MTREX: variants seen among roughly 807,000 people sequenced by gnomAD.
MTREX encodes the protein Mtr4 exosome RNA helicase.
Under a neutral mutation model 135.4 loss-of-function variants are expected in MTREX, and 76 were observed. The ratio of observed to expected loss-of-function variants is 0.56; its 90% confidence interval spans 0.47 to 0.68. The LOEUF is 0.68. MTREX is among the 30% of genes least tolerant of loss of function. The pLI, the probability that MTREX is intolerant of heterozygous loss-of-function variation, is 0.00. For missense variants in MTREX, 920 were observed against 1,262.1 expected, an observed-to-expected ratio of 0.73 and a Z score of 4.11; for synonymous variants, 404 against 401.6, an observed-to-expected ratio of 1.01 and a Z score of -0.07.
rs182743745 is a variant in MTREX at position 55,334,126 on chromosome 5, C to T, written c.515+5315C>T. Among the ~76,000 whole-genome samples, 157 of 152,114 alleles carry T rather than the reference C, an allele frequency of 1.0e-3. 1 individual carries two copies. The highest frequency in any genetic ancestry group is 6.8e-3 in the Middle Eastern group (2 of 294). Reference sequence around the variant, plus strand: ...GTGAAATATCCAGAATAGGTAAATCCATAGAGAAAGACAGCATATTGGTGA... The same window carrying T: ...GTGAAATATCCAGAATAGGTAAATCTATAGAGAAAGACAGCATATTGGTGA... On this transcript the variant is annotated intron_variant, in intron 5 of 26. Transcript: ENST00000230640.
intron 21 of MTREX, among the ~76,000 whole-genome samples, chr5:55,404,039 AC>A: frequency 6.6e-6 from 1 of 152,180 alleles, no homozygotes; most frequent in Admixed American, 6.5e-5. Flanking sequence ...TTAGTTCCCT[AC>A]CTTTTAGGAT....
chr5:55,325,230 CTT>C (rs574132785), intron 3 of MTREX, among the ~76,000 whole-genome samples: 4 of 138,844 alleles, frequency 2.9e-5, no homozygotes, highest in Admixed American at 7.3e-5. Flanking sequence ...AGAACCTTAT[CTT>C]TTTTTTTTTT....
rs1749854666 is a variant in MTREX, at chr5:55,353,151, A to G, written c.1432-17A>G. ...CTTAAAATACATGTTTAATTATAGA[A>G]TTACTTATTTACTTAGGCCTTATTT... On this transcript the variant is annotated splice_polypyrimidine_tract_variant and intron_variant, in intron 13 of 26. Transcript: ENST00000230640. The G allele has an allele frequency of 2.0e-6, 3 of 1,509,176 alleles. No homozygotes were observed. Among genetic ancestry groups the G allele is most frequent in the South Asian group, 1.3e-5 (1 of 78,504 alleles). 93.5% of individuals were successfully genotyped at this position (1,509,176 alleles called of 1,614,324 possible).
intron 19 of MTREX, among the ~76,000 whole-genome samples, chr5:55,395,394 A>G (rs1750631336): frequency 6.6e-6 from 1 of 152,196 alleles, no homozygotes; most frequent in Non-Finnish European, 1.5e-5. Context: ...CGACAGAGCA[A>G]GACTCTGTCT....
At chr5:55,380,451 T>A (rs1020760189) in intron 18 of MTREX, among the ~76,000 whole-genome samples, 3 of 152,202 alleles carry the variant, frequency 2.0e-5, no homozygotes, top group African/African-American at 7.2e-5. Context: ...TTCTTTCTGT[T>A]CCTGGTGTGT....
At chr5:55,376,575 T>C (rs1405543869) in intron 16 of MTREX, among the ~76,000 whole-genome samples, 1 of 152,216 alleles carries the variant, frequency 6.6e-6, no homozygotes, top group Non-Finnish European at 1.5e-5. Flanking sequence ...TTAGATCTTT[T>C]TAGAATTTGC....
chr5:55,359,244 A>T lies in MTREX; in HGVS notation c.1659+546A>T, dbSNP rs140281852. Among the ~76,000 whole-genome samples the T allele has an allele frequency of 1.7e-4, 26 of 152,364 alleles. No homozygotes were observed. The East Asian group carries it at 5.0e-3, about 29-fold the overall frequency. On this transcript the variant is annotated intron_variant, in intron 15 of 26. Coordinates refer to ENST00000230640, the MANE Select transcript of MTREX (RefSeq NM_015360.5). Reference sequence around the variant, plus strand: ...TTAGTATTTGTGCTTCGGATGGTCTAGGATTTTGTTTTGAAGAGCTTCTCA... The same window carrying T: ...TTAGTATTTGTGCTTCGGATGGTCTTGGATTTTGTTTTGAAGAGCTTCTCA...
At chr5:55,368,118 T>C (rs1750133710) in intron 16 of MTREX, among the ~76,000 whole-genome samples, 3 of 152,248 alleles carry the variant, frequency 2.0e-5, no homozygotes, top group African/African-American at 7.2e-5. Context: ...TTTTATTAAA[T>C]GCTTTGTATT....
chr5:55,383,706 T>C (rs1285023233), intron 18 of MTREX, among the ~76,000 whole-genome samples: 1 of 152,220 alleles, frequency 6.6e-6, no homozygotes, highest in Non-Finnish European at 1.5e-5. Context: ...TTGAATTTTA[T>C]GGCTATGTAG....
At chr5:55,362,342 GTT>G (rs1250586335) in intron 15 of MTREX, among the ~76,000 whole-genome samples, 1 of 151,662 alleles carries the variant, frequency 6.6e-6, no homozygotes. Flanking sequence ...TAAGGCAGCA[GTT>G]TTTTTGTTTT....
chr5:55,352,928 A>G (rs1320807628), intron 13 of MTREX, among the ~76,000 whole-genome samples: 1 of 152,252 alleles, frequency 6.6e-6, no homozygotes, highest in African/African-American at 2.4e-5. Context: ...TGGCACTGTT[A>G]GAATTTAAGA....
chr5:55,422,811 C>G (rs1376352904), intron 25 of MTREX, 67 bp from the exon 26 acceptor site: 1 of 1,299,520 alleles, frequency 7.7e-7, no homozygotes, highest in African/African-American at 1.5e-5. Context: ...TGCCTTGCCT[C>G]TTAACAAAAA....
intron 15 of MTREX, 141 bp downstream of exon 15, chr5:55,358,839 A>G: frequency 1.6e-6 from 1 of 635,284 alleles, no homozygotes; most frequent in South Asian, 2.8e-5. Flanking sequence ...GGAAGATGGA[A>G]GGGTGTGATT....
At chr5:55,423,121 T>C (rs1561215695) in intron 26 of MTREX, 139 bp downstream of exon 26, 7 of 635,866 alleles carry the variant, frequency 1.1e-5, no homozygotes, top group Non-Finnish European at 1.9e-5. Flanking sequence ...CTAGTGTTTC[T>C]ATAAAATTTA....
chr5:55,347,321 T>C (rs1261835267), intron 11 of MTREX, among the ~76,000 whole-genome samples, 177 bp downstream of exon 11: 1 of 152,238 alleles, frequency 6.6e-6, no homozygotes, highest in Non-Finnish European at 1.5e-5. Context: ...TTTCTTCCCT[T>C]TCTTCTCCTT....
rs140777971 is a variant in MTREX at position 55,320,418 on chromosome 5, C to T, written c.135-1909C>T. 3.6e-3 allele frequency among the ~76,000 whole-genome samples: 552 copies of T among 152,106 alleles called. 2 individuals carry two copies. The highest frequency in any genetic ancestry group is 0.012 in the African/African-American group (506 of 41,474). On this transcript the variant is annotated intron_variant, in intron 1 of 26. Transcript: ENST00000230640. ...TTTAGTAGAGACGACGGGGTTTCAC[C>T]GTGTTAGCCAGGATGGTCTCAATCT...
At chr5:55,383,163 A>G (rs1750423716) in intron 18 of MTREX, among the ~76,000 whole-genome samples, 1 of 152,222 alleles carries the variant, frequency 6.6e-6, no homozygotes, top group African/African-American at 2.4e-5. Context: ...TCAATAATAT[A>G]ATGTATACAT....
intron 22 of MTREX, among the ~76,000 whole-genome samples, chr5:55,409,487 T>C (rs1041810125): frequency 4.6e-5 from 7 of 152,218 alleles, no homozygotes; most frequent in Non-Finnish European, 1.0e-4. Flanking sequence ...TGAAGAAATT[T>C]TTTAAAACCT....
intron 21 of MTREX, among the ~76,000 whole-genome samples, chr5:55,401,032 C>T (rs536615884): frequency 5.7e-4 from 86 of 151,980 alleles, no homozygotes; most frequent in South Asian, 3.5e-3. Flanking sequence ...TGCGTGCGTC[C>T]GTGCATGCGT....
Sources: allele counts gnomAD v4.1 joint callset (sites outside exome capture counted in the v4.1 genomes callset), GRCh38; gene constraint gnomAD v4.1.1; transcripts MANE v1.5; gene names NCBI Gene and HGNC (gene_info 2026-07-23, HGNC 2026-07-21).